PHC2: variants seen among roughly 807,000 people sequenced by gnomAD.
PHC2 encodes the protein polyhomeotic homolog 2.
Under a neutral mutation model 87.4 loss-of-function variants are expected in PHC2, and 29 were observed. The observed-to-expected ratio is 0.33, with a 90% CI of 0.25 to 0.45. PHC2 has a LOEUF of 0.45. PHC2 is among the 20% of genes least tolerant of loss of function. The pLI, the probability that PHC2 is intolerant of heterozygous loss-of-function variation, is 1.00. For synonymous variants in PHC2, 438 were observed against 461.7 expected, an observed-to-expected ratio of 0.95 and a Z score of 0.66; for missense variants, 857 against 1,136.7, an observed-to-expected ratio of 0.75 and a Z score of 3.54.
chr1:33,416,575 C>CAAAA (rs1164520486), intron 1 of PHC2, among the ~76,000 whole-genome samples: 1 of 23,128 alleles, frequency 4.3e-5, no homozygotes, highest in African/African-American at 2.3e-4. Context: ...GATTCTGTCT[C>CAAAA]AAAAAAAAGA....
chr1:33,329,076 C>T lies in PHC2; in HGVS notation c.2219G>A (p.Arg740His), dbSNP rs752585543. 70 of 1,614,072 alleles carry T rather than the reference C, an allele frequency of 4.3e-5. No individual in the cohort carries two copies. The highest frequency in any genetic ancestry group is 5.3e-5 in the African/African-American group (4 of 74,938). Residue 740 changes from arginine (R) to histidine (H), a missense_variant, in exon 14 of 15, where the codon CGT (arginine) becomes CAT (histidine). Transcript: ENST00000683057. ...CTCATAGCTTGAGTTATCTGAGCAA[C>T]GGCTGGAGTCTTCCTGGCTGTGTGT... ...QLTHSQEDSS[R>H]CSDNSSYEEP...
In PHC2 at chr1:33,349,877, T is replaced by G; in HGVS notation, c.1558+4524A>C. On this transcript the variant is annotated intron_variant, in intron 9 of 14. Coordinates refer to ENST00000683057, the MANE Select transcript of PHC2 (RefSeq NM_001385109.1). The surrounding 1 kb of genome is among the most constrained non-coding windows in gnomAD (Gnocchi z 4.2). ...GCGCGCGCGGCGGGCGCTCGAGGGC[T>G]GCAGCCGCCGCGGAGACAATGCGGC... 1 of 974,014 alleles carries G rather than the reference T, an allele frequency of 1.0e-6. No homozygotes were observed. The allele number at this position is 974,014 out of a possible 1,614,324, so 60.3% of individuals were successfully genotyped here. A position where few individuals can be genotyped will look rare whatever the true frequency, so the allele number is the denominator to read the frequency against.
chr1:33,376,895 C>T (rs1232599832), intron 1 of PHC2, among the ~76,000 whole-genome samples: 4 of 152,204 alleles, frequency 2.6e-5, no homozygotes, highest in Non-Finnish European at 5.9e-5. Context: ...CACCACTGCA[C>T]TCCAGCCTGG....
intron 1 of PHC2, among the ~76,000 whole-genome samples, chr1:33,392,094 G>A (rs531969703): frequency 6.6e-6 from 1 of 152,124 alleles, no homozygotes; most frequent in Non-Finnish European, 1.5e-5. Context: ...TACTTGCCAG[G>A]GCTCTGCACA....
chr1:33,343,468 CAAAAAAAA>C (rs71006394), intron 9 of PHC2, among the ~76,000 whole-genome samples: 1 of 59,842 alleles, frequency 1.7e-5, no homozygotes, highest in Admixed American at 2.1e-4. Flanking sequence ...GACTCTGTCT[CAAAAAAAA>C]AAAAAAAAAA....
chr1:33,349,491 G>A lies in PHC2; in HGVS notation c.1558+4910C>T, dbSNP rs944725944. 3.0e-6 allele frequency: 3 copies of A among 985,124 alleles called. No individual in the cohort carries two copies. The African/African-American group carries it at 5.2e-5, about 17-fold the overall frequency. 61.0% of individuals were successfully genotyped at this position (985,124 alleles called of 1,614,324 possible). A position where few individuals can be genotyped will look rare whatever the true frequency, so the allele number is the denominator to read the frequency against. On this transcript the variant is annotated intron_variant, in intron 9 of 14. Coordinates refer to ENST00000683057, the MANE Select transcript of PHC2 (RefSeq NM_001385109.1). The surrounding 1 kb of genome is among the most constrained non-coding windows in gnomAD (Gnocchi z 4.2). ...CTGGCACGGCCTGGCAGCCGCGTAG[G>A]CCCGGGCCGTTAGGGGCACCGAGGG...
intron 8 of PHC2, 62 bp downstream of exon 8, chr1:33,354,776 T>TG: frequency 6.5e-7 from 1 of 1,542,430 alleles, no homozygotes; most frequent in Non-Finnish European, 8.8e-7. Context: ...GACGGGGCTG[T>TG]GGGGTCGTCC....
chr1:33,344,838 C>A lies in PHC2; in HGVS notation c.1558+9563G>T, dbSNP rs149606417. Among the ~76,000 whole-genome samples, 427 of 152,094 alleles carry A rather than the reference C, an allele frequency of 2.8e-3. 1 individual carries two copies. Among genetic ancestry groups the A allele is most frequent in the African/African-American group, 9.8e-3 (408 of 41,466 alleles). On this transcript the variant is annotated intron_variant, in intron 9 of 14. Transcript: ENST00000683057. The stretch of plus-strand genomic sequence containing the variant: ...TGCTCAGGCTGGTCTCGAACTCCTG[C>A]GCTCAAGTGATCCTCCTGCCTCGGC...
At chr1:33,404,835 G>T (rs1338144604) in intron 1 of PHC2, among the ~76,000 whole-genome samples, 1 of 152,188 alleles carries the variant, frequency 6.6e-6, no homozygotes, top group Non-Finnish European at 1.5e-5. Flanking sequence ...AGATTGAGTG[G>T]TCAGGAAAGG....
chr1:33,423,827 C>T (rs2148408066), intron 1 of PHC2, among the ~76,000 whole-genome samples: 2 of 152,182 alleles, frequency 1.3e-5, no homozygotes, highest in Non-Finnish European at 2.9e-5. Flanking sequence ...AGGCCGGGCA[C>T]ATGACTGATG....
chr1:33,358,169 A>C (rs1290386563), intron 7 of PHC2, among the ~76,000 whole-genome samples: 4 of 152,176 alleles, frequency 2.6e-5, no homozygotes, highest in Non-Finnish European at 5.9e-5. Context: ...TTACAGAGGG[A>C]AAAGGTTCTA....
chr1:33,371,987 C>T (rs78352465), intron 3 of PHC2, among the ~76,000 whole-genome samples: 2,656 of 152,338 alleles, frequency 0.017, 72 homozygotes, highest in African/African-American at 0.06. Context: ...CGTTCACGAA[C>T]GCTTCCCTGG....
intron 3 of PHC2, 67 bp from the exon 4 acceptor site, chr1:33,371,161 A>T: frequency 7.6e-7 from 1 of 1,312,580 alleles, no homozygotes; most frequent in Non-Finnish European, 1.1e-6. Flanking sequence ...GGCTCTCATC[A>T]TCCACAGGAG....
At chr1:33,352,632 G>A (rs188135081) in intron 9 of PHC2, among the ~76,000 whole-genome samples, 5 of 152,294 alleles carry the variant, frequency 3.3e-5, no homozygotes, top group Non-Finnish European at 5.9e-5. Context: ...TTGAGACTAG[G>A]GAGAGCTGGC....
chr1:33,388,190 G>A (rs1162774908), intron 1 of PHC2, among the ~76,000 whole-genome samples: 2 of 152,262 alleles, frequency 1.3e-5, no homozygotes, highest in African/African-American at 4.8e-5. Context: ...TAAGAAAGAG[G>A]AGGAGCTTCA....
chr1:33,325,358 C>A (rs548064707), intron 14 of PHC2: 25 of 226,952 alleles, frequency 1.1e-4, no homozygotes, highest in Admixed American at 2.1e-4. Context: ...TCTCACCTCA[C>A]TCTTCTGCCT....
At chr1:33,341,730 T>C (rs1334186857) in intron 9 of PHC2, among the ~76,000 whole-genome samples, 5 of 152,242 alleles carry the variant, frequency 3.3e-5, no homozygotes, top group East Asian at 1.9e-4. Context: ...CAAGTACAGA[T>C]TGTAAAAGTG....
intron 13 of PHC2, 152 bp downstream of exon 13, chr1:33,329,919 G>T: frequency 1.3e-6 from 1 of 797,562 alleles, no homozygotes; most frequent in East Asian, 2.7e-5. Context: ...CTACTGGGGT[G>T]CAGAAGGCTC....
chr1:33,359,845 A>G (rs543170609), intron 7 of PHC2, among the ~76,000 whole-genome samples: 1 of 152,310 alleles, frequency 6.6e-6, no homozygotes, highest in East Asian at 1.9e-4. Context: ...GAATTCAGGG[A>G]TCTCCAGGGC....
Sources: gnomAD v4.1 joint callset for allele counts (sites outside exome capture counted in the v4.1 genomes callset) on GRCh38, gnomAD v4.1.1 for gene constraint, Gnocchi (gnomAD v3.1) non-coding constraint, MANE v1.5 for transcripts, NCBI Gene and HGNC (gene_info 2026-07-23, HGNC 2026-07-21) for gene names.